The following TASP1 variants were observed in gnomAD, a reference collection of about 807,000 sequenced individuals.
The protein encoded by TASP1 is taspase 1.
In TASP1, 16 loss-of-function variants were observed where a neutral mutation model predicts 56.6. The observed-to-expected ratio is 0.28, with a 90% CI of 0.19 to 0.43. The LOEUF (loss-of-function observed/expected upper bound fraction) is 0.43. Among genes scored for constraint, TASP1 ranks in the 20% least tolerant of loss-of-function variants. The pLI, the probability that TASP1 is intolerant of heterozygous loss-of-function variation, is 1.00. For synonymous variants in TASP1, 179 were observed against 184.2 expected (o/e 0.97, Z 0.23); for missense variants, 393 against 511.6 (o/e 0.77, Z 2.24).
the TASP1 span, among the ~76,000 whole-genome samples, chr20:13,280,064 C>T: frequency 3.9e-5 from 6 of 152,156 alleles, no homozygotes. Context: ...GAGGCACCAG[C>T]AGCCACATTT....
At chr20:13,290,581 G>A in the TASP1 span, among the ~76,000 whole-genome samples, 11 of 152,120 alleles carry the variant, frequency 7.2e-5, no homozygotes, top group East Asian at 7.7e-4. Flanking sequence ...CCCGGGAGGC[G>A]GAGCTTGCAG....
At chr20:13,270,210 T>C in the TASP1 span, among the ~76,000 whole-genome samples, 7 of 152,248 alleles carry the variant, frequency 4.6e-5, no homozygotes, top group Admixed American at 1.3e-4. Context: ...TGAACACCTG[T>C]TCTTCCTCAA....
chr20:13,415,296 TTTCTCTTTTGAGCTCAGCC>T (rs2042217876), intron 13 of TASP1, among the ~76,000 whole-genome samples: 1 of 152,110 alleles, frequency 6.6e-6, no homozygotes, highest in African/African-American at 2.4e-5. Flanking sequence ...TATAGCCCCT[TTTCTCTTTTGAGCTCAGCC>T]TCTCATCTAT....
At chr20:13,360,653 C>T in the TASP1 span, among the ~76,000 whole-genome samples, 7 of 152,174 alleles carry the variant, frequency 4.6e-5, no homozygotes, top group African/African-American at 1.7e-4. Context: ...AAACTGTGCT[C>T]AACTCACTCT....
At chr20:13,616,908 A>G in intron 4 of TASP1, 1 of 350,808 alleles carries the variant, frequency 2.9e-6, no homozygotes, top group Non-Finnish European at 5.6e-6. Context: ...TTGTCTGCAC[A>G]TGGCCACCCA....
At chr20:13,228,179 G>T in the TASP1 span, among the ~76,000 whole-genome samples, 1 of 151,456 alleles carries the variant, frequency 6.6e-6, no homozygotes, top group African/African-American at 2.4e-5. Flanking sequence ...CACCATGTTG[G>T]CCAGGCTGGT....
At chr20:13,557,583 T>TG (rs1287591510) in intron 8 of TASP1, among the ~76,000 whole-genome samples, 6 of 140,292 alleles carry the variant, frequency 4.3e-5, no homozygotes, top group African/African-American at 1.4e-4. Flanking sequence ...TTTTTTTTTT[T>TG]TTTTTTTTTT....
intron 1 of TASP1, among the ~76,000 whole-genome samples, chr20:13,633,562 G>A (rs1216120821): frequency 6.6e-6 from 1 of 152,088 alleles, no homozygotes; most frequent in African/African-American, 2.4e-5. Context: ...CAAATTGAGG[G>A]GGAAGGAAAT....
the TASP1 span, among the ~76,000 whole-genome samples, chr20:13,378,242 T>G: frequency 6.6e-6 from 1 of 152,218 alleles, no homozygotes; most frequent in Non-Finnish European, 1.5e-5. Flanking sequence ...AACACTGCTT[T>G]AACTGTGTCC....
chr20:13,183,523 A>T, the TASP1 span, among the ~76,000 whole-genome samples: 1 of 152,228 alleles, frequency 6.6e-6, no homozygotes, highest in Non-Finnish European at 1.5e-5. Flanking sequence ...AGAGAAACAC[A>T]CATGGATTAT....
At chr20:13,562,495 C>G (rs568966878) in intron 7 of TASP1, among the ~76,000 whole-genome samples, 1 of 151,874 alleles carries the variant, frequency 6.6e-6, no homozygotes, top group Non-Finnish European at 1.5e-5. Flanking sequence ...AAATTTAAAT[C>G]TTTAGCTAGA....
chr20:13,276,797 G>A, the TASP1 span, among the ~76,000 whole-genome samples: 5 of 152,218 alleles, frequency 3.3e-5, no homozygotes, highest in Admixed American at 6.5e-5. Flanking sequence ...AACATAAAAC[G>A]AGCCCTCGCC....
Position 13,413,830 on chromosome 20 carries a change from A to G in TASP1, c.1170+3618T>C, listed in dbSNP as rs117593587. ...AACATTTTGCTCCATTTGCTTTGCA[A>G]TTTGCTGTTGCTCTATCCATCCATT... On this transcript the variant is annotated intron_variant, in intron 13 of 13. Coordinates refer to ENST00000337743, the MANE Select transcript of TASP1 (RefSeq NM_017714.3). Among the ~76,000 whole-genome samples the G allele has an allele frequency of 3.2e-3, 489 of 152,250 alleles. 2 individuals are homozygous for G. The highest frequency in any genetic ancestry group is 0.01 in the East Asian group (53 of 5,188).
chr20:13,434,726 A>G (rs1487245934), intron 12 of TASP1, among the ~76,000 whole-genome samples: 1 of 152,156 alleles, frequency 6.6e-6, no homozygotes, highest in Non-Finnish European at 1.5e-5. Context: ...GTGCCTTGTT[A>G]TGGGTCACCT....
chr20:13,153,662 T>TCCC, the TASP1 span, among the ~76,000 whole-genome samples: 1 of 152,124 alleles, frequency 6.6e-6, no homozygotes, highest in Non-Finnish European at 1.5e-5. Context: ...CTTATCACAC[T>TCCC]CCCTTCTCTT....
chr20:13,238,627 A>C, the TASP1 span, among the ~76,000 whole-genome samples: 1 of 152,244 alleles, frequency 6.6e-6, no homozygotes, highest in Non-Finnish European at 1.5e-5. Flanking sequence ...CAGAAAATGA[A>C]GAATGTTATT....
intron 10 of TASP1, among the ~76,000 whole-genome samples, chr20:13,505,630 T>C (rs554422430): frequency 1.5e-4 from 23 of 152,170 alleles, no homozygotes; most frequent in African/African-American, 4.8e-4. Flanking sequence ...TTTGCAAATA[T>C]ATGGAAATTA....
At chr20:13,627,281 C>A (rs1216762346) in intron 2 of TASP1, among the ~76,000 whole-genome samples, 1 of 152,070 alleles carries the variant, frequency 6.6e-6, no homozygotes, top group East Asian at 1.9e-4. Flanking sequence ...ATTTTTGACC[C>A]TTAAATGTGC....
chr20:13,486,315 C>A (rs2043316448), intron 10 of TASP1, among the ~76,000 whole-genome samples: 1 of 152,010 alleles, frequency 6.6e-6, no homozygotes, highest in African/African-American at 2.4e-5. Flanking sequence ...CACATCTTAG[C>A]AGAAAACATG....
Sources: allele counts gnomAD v4.1 joint callset (sites outside exome capture counted in the v4.1 genomes callset), GRCh38; gene constraint gnomAD v4.1.1; transcripts MANE v1.5; gene names NCBI Gene and HGNC (gene_info 2026-07-23, HGNC 2026-07-21).